Variants in WDR33 observed in about 807,000 individuals in gnomAD.
The protein encoded by WDR33 is WD repeat domain 33.
WDR33 carries 47 observed loss-of-function variants against 164.9 expected under a neutral mutation model. That is an observed-to-expected ratio of 0.29 (90% CI 0.23 to 0.36). WDR33 has a LOEUF of 0.36. Ranked by LOEUF, WDR33 falls within the 10% of genes least tolerant of loss-of-function variation. The probability of loss-of-function intolerance (pLI) is 1.00; values close to 1 mark genes in which losing one functional copy is unlikely to be tolerated. For synonymous variants in WDR33, 505 were observed against 589.0 expected (o/e 0.86, Z 2.06); for missense variants, 1,137 against 1,754.1 (o/e 0.65, Z 6.28).
intron 7 of WDR33, among the ~76,000 whole-genome samples, chr2:127,754,583 ATTTT>A (rs764744041): frequency 6.7e-5 from 8 of 118,980 alleles, no homozygotes; most frequent in Non-Finnish European, 1.1e-4. Context: ...CATGTTTTTC[ATTTT>A]TTTTTTTTTT....
chr2:127,737,024 A>G lies in WDR33; in HGVS notation c.725-10247T>C. The G allele has an allele frequency of 3.0e-6, 3 of 985,416 alleles. No homozygotes were observed. In the South Asian group the frequency reaches 1.4e-4, roughly 46 times the overall value. 61.0% of individuals were successfully genotyped at this position (985,416 alleles called of 1,614,324 possible). On this transcript the variant is annotated intron_variant, in intron 7 of 21. Transcript: ENST00000322313. ...CCTGAGGGTGTATAAAATGTGTGTC[A>G]ATCTTCTATATTCTTCAGTTATAAT...
rs112442125 is a variant in WDR33 at position 127,713,534 on chromosome 2, T to C, written c.3308+49A>G. The C allele has an allele frequency of 6.3e-7, 1 of 1,589,070 alleles. No individual in the cohort carries two copies. The highest frequency in any genetic ancestry group is 8.6e-7 in the Non-Finnish European group (1 of 1,166,562). ...AAGAGACCTTTGTGGAGACAGCAGATAAAAAGCTCCACTGAAGATGGAATG... is the reference window on the plus strand; with the variant it reads ...AAGAGACCTTTGTGGAGACAGCAGACAAAAAGCTCCACTGAAGATGGAATG... On this transcript the variant is annotated intron_variant, in intron 18 of 21. Coordinates refer to ENST00000322313, the MANE Select transcript of WDR33 (RefSeq NM_018383.5). This position sits in a 1 kb window ranked among gnomAD's most constrained non-coding sequence, Gnocchi z 6.2.
At chr2:127,752,406 A>C (rs917531967) in intron 7 of WDR33, among the ~76,000 whole-genome samples, 1 of 151,646 alleles carries the variant, frequency 6.6e-6, no homozygotes, top group African/African-American at 2.4e-5. Flanking sequence ...CTGGCTAACA[A>C]GGTGAAACCC....
intron 1 of WDR33, among the ~76,000 whole-genome samples, chr2:127,784,293 C>T (rs1181027568): frequency 6.6e-6 from 1 of 152,158 alleles, no homozygotes; most frequent in Non-Finnish European, 1.5e-5. Context: ...CCTTCTAAGA[C>T]AACTGTAGAT....
At chr2:127,777,753 CAT>C (rs34964399) in intron 1 of WDR33, among the ~76,000 whole-genome samples, 11,529 of 152,216 alleles carry the variant, frequency 0.076, 451 homozygotes, top group Non-Finnish European at 0.091. Context: ...TGGGACTACA[CAT>C]GTGTGCCACC....
chr2:127,806,588 T>G (rs573172675), intron 1 of WDR33, among the ~76,000 whole-genome samples: 9 of 152,154 alleles, frequency 5.9e-5, no homozygotes, highest in African/African-American at 2.2e-4. Flanking sequence ...CAGAGACTGC[T>G]CTTTGGTCTT....
chr2:127,777,704 C>T (rs1322550958), intron 1 of WDR33, among the ~76,000 whole-genome samples: 2 of 152,192 alleles, frequency 1.3e-5, no homozygotes, highest in African/African-American at 4.8e-5. Context: ...CAGCTCACTG[C>T]AGCTCAAGTG....
rs561044382 is a variant in WDR33 at position 127,701,928 on chromosome 2, C to T, written c.*4395G>A. ...GCTGCGGGGCGGCGCGGCGTGCGGA[C>T]GCCTGCTGCGCTGCGAAGAAGCGCC... is the stretch of plus-strand genomic sequence containing the variant. On this transcript the variant is annotated 3_prime_UTR_variant, in exon 22 of 22. Coordinates refer to ENST00000322313, the MANE Select transcript of WDR33 (RefSeq NM_018383.5). 31 of 1,428,384 alleles carry T rather than the reference C, an allele frequency of 2.2e-5. No individual in the cohort carries two copies. Among genetic ancestry groups the T allele is most frequent in the Middle Eastern group, 2.5e-4 (1 of 4,022 alleles). The allele number at this position is 1,428,384 out of a possible 1,614,324, so 88.5% of individuals were successfully genotyped here.
At position 127,713,544 on chromosome 2, in the gene WDR33, C is replaced by A. The variant is rs746566296; in HGVS notation, c.3308+39G>T. 4 of 1,600,972 alleles carry A rather than the reference C, an allele frequency of 2.5e-6. No individual in the cohort carries two copies. The African/African-American group carries it at 4.0e-5, about 16-fold the overall frequency. ...TGTGGAGACAGCAGATAAAAAGCTC[C>A]ACTGAAGATGGAATGGGCCCACAAA... On this transcript the variant is annotated intron_variant, in intron 18 of 21. Transcript: ENST00000322313. The surrounding 1 kb of genome is among the most constrained non-coding windows in gnomAD (Gnocchi z 6.2).
intron 7 of WDR33, among the ~76,000 whole-genome samples, chr2:127,729,553 G>A (rs1034182376): frequency 4.0e-5 from 6 of 151,228 alleles, no homozygotes; most frequent in African/African-American, 7.3e-5. Context: ...GTGCAGTGGC[G>A]CCATCTCGGC....
In WDR33 at chr2:127,720,386, T is replaced by C; in HGVS notation, c.1672-33A>G. Reference sequence around the variant, plus strand: ...GAAAGAAAGAAAAAAGCATGTTGAATAAACAGGCCAGAGCCCTTGAAGATG... The same window carrying C: ...GAAAGAAAGAAAAAAGCATGTTGAACAAACAGGCCAGAGCCCTTGAAGATG... On this transcript the variant is annotated intron_variant, in intron 15 of 21. Transcript: ENST00000322313. The surrounding 1 kb of genome is among the most constrained non-coding windows in gnomAD (Gnocchi z 5.9). 1 of 1,503,680 alleles carries C rather than the reference T, an allele frequency of 6.7e-7. No homozygotes were observed. The highest frequency in any genetic ancestry group is 8.9e-7 in the Non-Finnish European group (1 of 1,128,616). The allele number at this position is 1,503,680 out of a possible 1,614,324, so 93.1% of individuals were successfully genotyped here. A position where few individuals can be genotyped will look rare whatever the true frequency, so the allele number is the denominator to read the frequency against.
chr2:127,736,021 TG>T (rs1386570285), intron 7 of WDR33: 2 of 985,320 alleles, frequency 2.0e-6, no homozygotes, highest in Non-Finnish European at 2.4e-6. Context: ...CATAGAATCA[TG>T]GGTGAAGGGG....
At chr2:127,707,063 A>G (rs901522140) in intron 21 of WDR33, among the ~76,000 whole-genome samples, 1 of 152,174 alleles carries the variant, frequency 6.6e-6, no homozygotes, top group African/African-American at 2.4e-5. Flanking sequence ...AAAATAAAGT[A>G]TTTCTTGAAA....
chr2:127,797,588 T>G (rs1381186364), intron 1 of WDR33, among the ~76,000 whole-genome samples: 1 of 152,228 alleles, frequency 6.6e-6, no homozygotes, highest in Non-Finnish European at 1.5e-5. Flanking sequence ...TAAACTGGTA[T>G]TCAGGTGACC....
At position 127,721,473 on chromosome 2, in the gene WDR33, G is replaced by C. The variant is rs1256292972; in HGVS notation, c.1671+363C>G. Among the ~76,000 whole-genome samples, 1 of 152,126 alleles carries C rather than the reference G, an allele frequency of 6.6e-6. No homozygotes were observed. The highest frequency in any genetic ancestry group is 1.9e-4 in the East Asian group (1 of 5,194). ...TCACTTAAAAAAAAATTAGTCAGAC[G>C]TGATGGTGCATGCCTGTGGTCTCTG... On this transcript the variant is annotated intron_variant, in intron 15 of 21. Transcript: ENST00000322313. The surrounding 1 kb of genome is among the most constrained non-coding windows in gnomAD (Gnocchi z 4.9).
At position 127,721,337 on chromosome 2, in the gene WDR33, A is replaced by T. The variant is rs1368487701; in HGVS notation, c.1671+499T>A. ...TGACCATGCTGGTCTCAAACTCCTG[A>T]TCTCAGGTGATCTGTCTGCCTCGGC... On this transcript the variant is annotated intron_variant, in intron 15 of 21. Transcript: ENST00000322313. This position sits in a 1 kb window ranked among gnomAD's most constrained non-coding sequence, Gnocchi z 4.9. Among the ~76,000 whole-genome samples the T allele has an allele frequency of 6.6e-6, 1 of 151,752 alleles. No homozygotes were observed.
rs1384281429 is a variant in WDR33, at chr2:127,726,931, A to C, written c.725-154T>G. On this transcript the variant is annotated intron_variant, in intron 7 of 21. Coordinates refer to ENST00000322313, the MANE Select transcript of WDR33 (RefSeq NM_018383.5). The surrounding 1 kb of genome is among the most constrained non-coding windows in gnomAD (Gnocchi z 4.8). ...GACTCTTTGGCCTCTGTGTGTCTGG[A>C]AATTTTTCAGATACAGTATCCTCTC... Among the ~76,000 whole-genome samples, 1 of 152,184 alleles carries C rather than the reference A, an allele frequency of 6.6e-6. No individual in the cohort carries two copies. Among genetic ancestry groups the C allele is most frequent in the East Asian group, 1.9e-4 (1 of 5,192 alleles).
At chr2:127,762,808 G>A (rs1281640535) in intron 7 of WDR33, 10 of 1,282,708 alleles carry the variant, frequency 7.8e-6, no homozygotes, top group Non-Finnish European at 9.9e-7. Flanking sequence ...GATGCATACA[G>A]ATAAGCAAGT....
intron 7 of WDR33, among the ~76,000 whole-genome samples, chr2:127,753,822 G>T (rs929072097): frequency 6.6e-6 from 1 of 152,022 alleles, no homozygotes; most frequent in Non-Finnish European, 1.5e-5. Flanking sequence ...CTACACAGAG[G>T]AAGGTGAGAT....
Sources: allele counts gnomAD v4.1 joint callset (sites outside exome capture counted in the v4.1 genomes callset), GRCh38; gene constraint gnomAD v4.1.1; non-coding constraint Gnocchi (gnomAD v3.1); transcripts MANE v1.5; gene names NCBI Gene and HGNC (gene_info 2026-07-23, HGNC 2026-07-21).